The following ATP1B1 variants were observed in gnomAD, a reference collection of about 807,000 sequenced individuals.
ATP1B1 encodes sodium/potassium-transporting ATPase subunit beta-1.
In ATP1B1, 3 loss-of-function variants were observed where a neutral mutation model predicts 39.6. That is an observed-to-expected ratio of 0.08 (90% CI 0.03 to 0.20). The LOEUF is 0.20. Among genes scored for constraint, ATP1B1 ranks in the 10% least tolerant of loss-of-function variants. The pLI, the probability that ATP1B1 is intolerant of heterozygous loss-of-function variation, is 1.00. For synonymous variants in ATP1B1, 139 were observed against 135.0 expected, an observed-to-expected ratio of 1.03 and a Z score of -0.20; for missense variants, 216 against 371.1, an observed-to-expected ratio of 0.58 and a Z score of 3.43.
chr1:169,107,796 G>C (rs1446976159), intron 1 of ATP1B1: 1 of 151,764 alleles, frequency 6.6e-6, no homozygotes, highest in Non-Finnish European at 1.5e-5. Context: ...TTGAAGGGCA[G>C]AGTTGTAGGC....
intron 3 of ATP1B1, among the ~76,000 whole-genome samples, chr1:169,125,984 A>AAAAC (rs1252836040): frequency 2.6e-5 from 4 of 152,194 alleles, no homozygotes; most frequent in South Asian, 2.1e-4. Flanking sequence ...CAAAAACGTT[A>AAAAC]AAACAAACAA....
intron 5 of ATP1B1, 106 bp downstream of exon 5, chr1:169,130,196 T>C (rs573461471): frequency 2.1e-6 from 2 of 957,812 alleles, no homozygotes; most frequent in South Asian, 1.6e-5. Context: ...ATAGAAGAAA[T>C]AAGAAACATT....
chr1:169,112,924 A>G (rs1022676905), intron 2 of ATP1B1, among the ~76,000 whole-genome samples: 1 of 152,236 alleles, frequency 6.6e-6, no homozygotes, highest in Admixed American at 6.5e-5. Context: ...GTATGGTGAT[A>G]GGGAAGCATT....
intron 3 of ATP1B1, among the ~76,000 whole-genome samples, chr1:169,126,745 T>C (rs1658095326): frequency 1.3e-5 from 2 of 151,938 alleles, no homozygotes; most frequent in South Asian, 4.2e-4. Flanking sequence ...AAAAGGAAAA[T>C]ACCAGTTCCT....
rs1194396874 is a variant in ATP1B1 at position 169,130,205 on chromosome 1, T to C, written c.648+115T>C. On this transcript the variant is annotated intron_variant, in intron 5 of 5. Transcript: ENST00000367815. ...ATTTTAATAGAAGAAATAAGAAACA[T>C]TGCTTTCAAGTATAAGTCTCAGTGA... 12 of 911,112 alleles carry C rather than the reference T, an allele frequency of 1.3e-5. No homozygotes were observed. In the Admixed American group the frequency reaches 1.9e-4, roughly 14 times the overall value. The allele number at this position is 911,112 out of a possible 1,614,324, so 56.4% of individuals were successfully genotyped here.
At chr1:169,130,482 T>C (rs996253909) in intron 5 of ATP1B1, among the ~76,000 whole-genome samples, 1 of 152,104 alleles carries the variant, frequency 6.6e-6, no homozygotes, top group Non-Finnish European at 1.5e-5. Context: ...TGGTTTGGGC[T>C]TCTCTTTTAA....
intron 1 of ATP1B1, chr1:169,110,590 T>A: frequency 9.1e-7 from 1 of 1,097,422 alleles, no homozygotes; most frequent in Non-Finnish European, 1.2e-6. Flanking sequence ...TTTTTTTGCT[T>A]TTGCAGCTAT....
intron 1 of ATP1B1, among the ~76,000 whole-genome samples, chr1:169,108,564 C>CT (rs1657655239): frequency 6.6e-6 from 1 of 152,148 alleles, no homozygotes; most frequent in South Asian, 2.1e-4. Context: ...GCCTTCTTGT[C>CT]TTTTTCCCCT....
intron 1 of ATP1B1, among the ~76,000 whole-genome samples, chr1:169,109,558 A>C (rs1657683247): frequency 6.6e-6 from 1 of 152,236 alleles, no homozygotes; most frequent in South Asian, 2.1e-4. Flanking sequence ...TCGTGTGGGC[A>C]GAATAGAAAG....
Position 169,114,135 on chromosome 1 carries a change from A to T in ATP1B1, c.226+2637A>T, listed in dbSNP as rs1334235214. Among the ~76,000 whole-genome samples the T allele has an allele frequency of 4.5e-5, 5 of 112,152 alleles. No individual in the cohort carries two copies. The East Asian group carries it at 1.4e-3, about 32-fold the overall frequency. The allele number at this position is 112,152 out of a possible 152,430, so 73.6% of individuals were successfully genotyped here. Reference sequence around the variant, plus strand: ...CCTTATGGCCCTGTGTTGCCTGAGGACCCTCCTTGGCATTTTTCAATGCCA... The same window carrying T: ...CCTTATGGCCCTGTGTTGCCTGAGGTCCCTCCTTGGCATTTTTCAATGCCA... On this transcript the variant is annotated intron_variant, in intron 2 of 5. Transcript: ENST00000367815.
chr1:169,114,174 G>C (rs1371325836), intron 2 of ATP1B1, among the ~76,000 whole-genome samples: 2 of 151,966 alleles, frequency 1.3e-5, no homozygotes, highest in Non-Finnish European at 2.9e-5. Flanking sequence ...ACCCTCCTTG[G>C]CATTTTTCAG....
intron 2 of ATP1B1, among the ~76,000 whole-genome samples, chr1:169,115,927 C>G (rs989819089): frequency 6.6e-6 from 1 of 152,208 alleles, no homozygotes; most frequent in African/African-American, 2.4e-5. Flanking sequence ...CAGAGGAGAC[C>G]CCCTTAGGCA....
chr1:169,107,057 C>A, intron 1 of ATP1B1, 131 bp downstream of exon 1: 1 of 840,818 alleles, frequency 1.2e-6, no homozygotes, highest in Non-Finnish European at 1.8e-6. Context: ...GGGTGGTGGA[C>A]GCTGCTGGGT....
At chr1:169,126,389 A>C (rs1658086504) in intron 3 of ATP1B1, among the ~76,000 whole-genome samples, 1 of 152,206 alleles carries the variant, frequency 6.6e-6, no homozygotes, top group African/African-American at 2.4e-5. Flanking sequence ...TTAACTTTGA[A>C]TTCTATATTC....
chr1:169,120,579 C>T (rs918626268), intron 2 of ATP1B1, among the ~76,000 whole-genome samples: 3 of 152,166 alleles, frequency 2.0e-5, no homozygotes, highest in Admixed American at 6.5e-5. Flanking sequence ...TCTAAGACTC[C>T]GTGCTTAGCT....
chr1:169,129,962 T>G lies in ATP1B1; in HGVS notation c.568-48T>G, dbSNP rs374479722. The G allele has an allele frequency of 2.7e-5, 43 of 1,578,742 alleles. No homozygotes were observed. In the African/African-American group the frequency reaches 5.1e-4, roughly 19 times the overall value. ...CGGAGTAGTTTTATTTTTCAGAAAC[T>G]TAAGAAATCATTTACAATCTACTGA... is the stretch of plus-strand genomic sequence containing the variant. On this transcript the variant is annotated intron_variant, in intron 4 of 5. Coordinates refer to ENST00000367815, the MANE Select transcript of ATP1B1 (RefSeq NM_001677.4).
At position 169,106,939 on chromosome 1, in the gene ATP1B1, T is replaced by C. The variant is rs773375182; in HGVS notation, c.97+13T>C. The C allele has an allele frequency of 2.2e-5, 34 of 1,569,290 alleles. No homozygotes were observed. In the South Asian group the frequency reaches 3.6e-4, roughly 17 times the overall value. ...GGTGGCAGTTGGTGTAAGTACGGGG[T>C]CCGCAGCTCCCGGCCGCCGCGTCTG... is the stretch of plus-strand genomic sequence containing the variant. On this transcript the variant is annotated intron_variant, in intron 1 of 5. Transcript: ENST00000367815.
intron 2 of ATP1B1, among the ~76,000 whole-genome samples, chr1:169,116,870 A>C (rs551859756): frequency 7.2e-4 from 110 of 151,990 alleles, no homozygotes; most frequent in South Asian, 5.4e-3. Flanking sequence ...AAAACCAAAA[A>C]CAAAACAAAC....
chr1:169,120,533 G>C (rs548028775), intron 2 of ATP1B1, among the ~76,000 whole-genome samples: 2 of 152,158 alleles, frequency 1.3e-5, no homozygotes, highest in African/African-American at 4.8e-5. Context: ...AGAGGCTTTG[G>C]CCTAGGGTCT....
Sources: allele counts gnomAD v4.1 joint callset (sites outside exome capture counted in the v4.1 genomes callset), GRCh38; gene constraint gnomAD v4.1.1; transcripts MANE v1.5; gene names NCBI Gene and HGNC (gene_info 2026-07-23, HGNC 2026-07-21).